The following ITPK1 variants were observed in gnomAD, a reference collection of about 807,000 sequenced individuals.
ITPK1 encodes inositol 1,3,4-trisphosphate 5/6-kinase.
ITPK1 carries 21 observed loss-of-function variants against 45.3 expected under a neutral mutation model. The observed-to-expected ratio is 0.46, with a 90% CI of 0.33 to 0.67. The LOEUF (loss-of-function observed/expected upper bound fraction) is 0.67, where lower values mean the gene tolerates loss of function less well. ITPK1 is among the 30% of genes least tolerant of loss of function. ITPK1 has a pLI of 0.02. For missense variants in ITPK1, 474 were observed against 573.5 expected (o/e 0.83, Z 1.77); for synonymous variants, 258 against 253.6 (o/e 1.02, Z -0.16).
At chr14:93,066,626 G>A (rs1341001060) in intron 3 of ITPK1, among the ~76,000 whole-genome samples, 3 of 152,124 alleles carry the variant, frequency 2.0e-5, no homozygotes, top group East Asian at 1.9e-4. Context: ...GGATGGTCTC[G>A]ATCTCCTGAC....
At chr14:92,980,236 C>A (rs895899166) in intron 5 of ITPK1, among the ~76,000 whole-genome samples, 4 of 152,216 alleles carry the variant, frequency 2.6e-5, no homozygotes, top group Non-Finnish European at 5.9e-5. Context: ...GTTGCCAGAA[C>A]AAGTCCAGAG....
chr14:93,072,981 A>T (rs1173457477), intron 3 of ITPK1, among the ~76,000 whole-genome samples: 1 of 152,264 alleles, frequency 6.6e-6, no homozygotes, highest in Non-Finnish European at 1.5e-5. Flanking sequence ...CCCCAGGATG[A>T]CAATGACTGG....
At chr14:92,944,276 G>A (rs747782306) in intron 10 of ITPK1, among the ~76,000 whole-genome samples, 1 of 152,098 alleles carries the variant, frequency 6.6e-6, no homozygotes, top group African/African-American at 2.4e-5. Flanking sequence ...TCTATGGTAA[G>A]GCGGACACAC....
At chr14:93,055,934 G>A (rs1211749081) in intron 3 of ITPK1, among the ~76,000 whole-genome samples, 2 of 152,214 alleles carry the variant, frequency 1.3e-5, no homozygotes, top group Admixed American at 6.5e-5. Flanking sequence ...AGCAGCCGGG[G>A]CACCCAGTGA....
chr14:93,072,194 T>C (rs1357307271), intron 3 of ITPK1: 1 of 150,342 alleles, frequency 6.7e-6, no homozygotes, highest in African/African-American at 2.4e-5. Flanking sequence ...CTCAGCTACT[T>C]GGGAGGCTGA....
Position 93,012,785 on chromosome 14 carries a change from G to C in ITPK1, c.246+3891C>G, listed in dbSNP as rs1005033161. On this transcript the variant is annotated intron_variant, in intron 4 of 10. Coordinates refer to ENST00000267615, the MANE Select transcript of ITPK1 (RefSeq NM_014216.6). This position sits in a 1 kb window ranked among gnomAD's most constrained non-coding sequence, Gnocchi z 4.9. ...TGATAAAGACAGGGCAAAGGCAGCA[G>C]TTGAGACTGAAACTTCCTTCTTAGT... Among the ~76,000 whole-genome samples the C allele has an allele frequency of 1.3e-5, 2 of 152,232 alleles. No homozygotes were observed. Among genetic ancestry groups the C allele is most frequent in the African/African-American group, 2.4e-5 (1 of 41,462 alleles).
intron 2 of ITPK1, among the ~76,000 whole-genome samples, chr14:93,103,287 C>T (rs1035666917): frequency 2.4e-4 from 36 of 151,756 alleles, no homozygotes; most frequent in East Asian, 7.8e-4. Flanking sequence ...GGCGTGGTGG[C>T]GCGTGCTTGT....
At chr14:93,051,969 C>T (rs1324569376) in intron 3 of ITPK1, among the ~76,000 whole-genome samples, 4 of 152,244 alleles carry the variant, frequency 2.6e-5, no homozygotes, top group Non-Finnish European at 4.4e-5. Context: ...GCACATTCCA[C>T]TCTGAGGGCA....
At chr14:93,038,001 A>C (rs1889390696) in intron 3 of ITPK1, among the ~76,000 whole-genome samples, 1 of 152,014 alleles carries the variant, frequency 6.6e-6, no homozygotes, top group South Asian at 2.1e-4. Context: ...AAACATCTGG[A>C]TCCTACTTTT....
At chr14:92,948,657 A>C (rs1887797264) in intron 9 of ITPK1, among the ~76,000 whole-genome samples, 1 of 152,150 alleles carries the variant, frequency 6.6e-6, no homozygotes, top group Non-Finnish European at 1.5e-5. Context: ...TAAAAAAAAA[A>C]AAGTGAAAGC....
intron 2 of ITPK1, among the ~76,000 whole-genome samples, chr14:93,104,653 T>C (rs1892452205): frequency 1.3e-5 from 2 of 152,110 alleles, no homozygotes; most frequent in Admixed American, 1.3e-4. Context: ...GGCCCTCATC[T>C]AGCAAATGGA....
chr14:92,999,102 C>T (rs1249710841), intron 4 of ITPK1, among the ~76,000 whole-genome samples: 1 of 152,210 alleles, frequency 6.6e-6, no homozygotes, highest in Non-Finnish European at 1.5e-5. Context: ...AACTGGAAAC[C>T]TCTGTGAGTT....
At chr14:93,002,349 TAAG>T (rs1258085785) in intron 4 of ITPK1, among the ~76,000 whole-genome samples, 2 of 151,814 alleles carry the variant, frequency 1.3e-5, no homozygotes, top group African/African-American at 2.4e-5. Flanking sequence ...CAAAATAAAA[TAAG>T]AAGAAAAAAG....
chr14:93,010,501 G>A (rs1381458240), intron 4 of ITPK1, among the ~76,000 whole-genome samples: 1 of 152,238 alleles, frequency 6.6e-6, no homozygotes, highest in African/African-American at 2.4e-5. Context: ...CGAGGCCCAG[G>A]TGGGCCAGCA....
intron 2 of ITPK1, among the ~76,000 whole-genome samples, chr14:93,089,395 C>A (rs1891779720): frequency 6.6e-6 from 1 of 152,160 alleles, no homozygotes; most frequent in Non-Finnish European, 1.5e-5. Context: ...CAGAAGGAAC[C>A]CTTCCTATGA....
chr14:92,964,723 TG>T (rs1283383905), intron 5 of ITPK1, among the ~76,000 whole-genome samples: 2 of 152,328 alleles, frequency 1.3e-5, no homozygotes, highest in African/African-American at 2.4e-5. Flanking sequence ...GGCCACCTCC[TG>T]GAAGAGCTTC....
intron 3 of ITPK1, among the ~76,000 whole-genome samples, chr14:93,061,370 C>A (rs982801249): frequency 1.3e-5 from 2 of 152,210 alleles, no homozygotes; most frequent in Admixed American, 1.3e-4. Flanking sequence ...CCCACCTCCT[C>A]CAGAGCCCAC....
In ITPK1 at chr14:93,012,472, C is replaced by T. The variant is rs1343004148; in HGVS notation, c.246+4204G>A. ...GGAAGGAGCGGGTGGGGCAGATCAC[C>T]GAGGCCCCATGGGTCAAGCTGGCAA... is the stretch of plus-strand genomic sequence containing the variant. On this transcript the variant is annotated intron_variant, in intron 4 of 10. Coordinates refer to ENST00000267615, the MANE Select transcript of ITPK1 (RefSeq NM_014216.6). The surrounding 1 kb of genome is among the most constrained non-coding windows in gnomAD (Gnocchi z 4.9). Among the ~76,000 whole-genome samples, 1 of 152,184 alleles carries T rather than the reference C, an allele frequency of 6.6e-6. No individual in the cohort carries two copies. The highest frequency in any genetic ancestry group is 2.4e-5 in the African/African-American group (1 of 41,436).
At chr14:92,967,751 C>T (rs779702885) in intron 5 of ITPK1, among the ~76,000 whole-genome samples, 2 of 152,146 alleles carry the variant, frequency 1.3e-5, no homozygotes, top group Non-Finnish European at 2.9e-5. Flanking sequence ...TTGAGACATG[C>T]TACAACATGG....
Sources: allele counts gnomAD v4.1 joint callset (sites outside exome capture counted in the v4.1 genomes callset), GRCh38; gene constraint gnomAD v4.1.1; non-coding constraint Gnocchi (gnomAD v3.1); transcripts MANE v1.5; gene names NCBI Gene and HGNC (gene_info 2026-07-23, HGNC 2026-07-21).